The following CENPP variants were observed in gnomAD, a reference collection of about 807,000 sequenced individuals.
CENPP encodes the protein centromere protein P.
Under a neutral mutation model 35.6 loss-of-function variants are expected in CENPP, and 24 were observed. The observed-to-expected ratio is 0.67, with a 90% CI of 0.49 to 0.95. CENPP has a LOEUF of 0.95. Among genes scored for constraint, CENPP ranks in the 40% least tolerant of loss-of-function variants. CENPP has a pLI of 0.00. For missense variants in CENPP, 332 were observed against 345.3 expected (o/e 0.96, Z 0.31); for synonymous variants, 120 against 125.5 (o/e 0.96, Z 0.29).
intron 3 of CENPP, among the ~76,000 whole-genome samples, chr9:92,345,137 C>T (rs1841251442): frequency 6.6e-6 from 1 of 152,056 alleles, no homozygotes; most frequent in Non-Finnish European, 1.5e-5. Flanking sequence ...CCTGTAGTCC[C>T]AGCTACTCGG....
intron 5 of CENPP, among the ~76,000 whole-genome samples, chr9:92,477,907 T>C (rs1178358389): frequency 6.6e-6 from 1 of 152,210 alleles, no homozygotes; most frequent in African/African-American, 2.4e-5. Flanking sequence ...AACAGGGGTG[T>C]AGGGCTTTAA....
intron 4 of CENPP, among the ~76,000 whole-genome samples, chr9:92,359,008 G>A (rs1167386580): frequency 2.9e-5 from 4 of 138,858 alleles, no homozygotes; most frequent in Non-Finnish European, 4.5e-5. Context: ...GGAGTGTAAT[G>A]GCATGATCTG....
intron 4 of CENPP, among the ~76,000 whole-genome samples, chr9:92,347,814 A>G (rs1841333994): frequency 6.6e-6 from 1 of 152,218 alleles, no homozygotes; most frequent in African/African-American, 2.4e-5. Context: ...TTATTTTCAT[A>G]TAATTGTCAT....
intron 5 of CENPP, among the ~76,000 whole-genome samples, chr9:92,449,258 A>G (rs993827892): frequency 7.2e-5 from 11 of 151,840 alleles, no homozygotes; most frequent in African/African-American, 2.7e-4. Flanking sequence ...TGGCTAACAC[A>G]GTGAAACCCC....
At chr9:92,510,098 T>C (rs1847245616) in intron 5 of CENPP, 1 of 1,521,472 alleles carries the variant, frequency 6.6e-7, no homozygotes, top group Admixed American at 2.3e-5. Flanking sequence ...ACATTTCATA[T>C]AATGGTCGTG....
At chr9:92,600,559 T>A (rs570881325) in intron 5 of CENPP, 1 of 1,612,022 alleles carries the variant, frequency 6.2e-7, no homozygotes, top group African/African-American at 1.3e-5. Flanking sequence ...ACATGGAGAA[T>A]GTTTGGCACA....
chr9:92,416,058 G>GTGTGTGTATATA (rs6151074), intron 5 of CENPP, among the ~76,000 whole-genome samples: 35 of 130,912 alleles, frequency 2.7e-4, no homozygotes, highest in South Asian at 5.0e-4. Context: ...ATATATGTGT[G>GTGTGTGTATATA]TATATATATA....
chr9:92,615,275 G>T lies in CENPP; in HGVS notation c.*2126G>T, dbSNP rs147435929. The T allele has an allele frequency of 6.9e-3, 1,102 of 160,164 alleles. 8 individuals carry two copies. The highest frequency in any genetic ancestry group is 0.025 in the African/African-American group (1,048 of 41,592). 9.9% of individuals were successfully genotyped at this position (160,164 alleles called of 1,614,324 possible). A position where few individuals can be genotyped will look rare whatever the true frequency, so the allele number is the denominator to read the frequency against. On this transcript the variant is annotated 3_prime_UTR_variant, in exon 8 of 8. Coordinates refer to ENST00000375587, the MANE Select transcript of CENPP (RefSeq NM_001012267.3). ...TCCACAGGGACCCTGAGTCTACACT[G>T]CTCAGAATCGGCATCTGCGCGACCA...
At position 92,593,690 on chromosome 9, in the gene CENPP, TG is replaced by T. The variant is rs1850713627; in HGVS notation, c.565-17622del. ...ATGAAAGCGAACAGTGATTAGAGTT[TG>T]GCAGAGCTGGTTTATGTGGTCTGTG... On this transcript the variant is annotated intron_variant, in intron 5 of 7. Coordinates refer to ENST00000375587, the MANE Select transcript of CENPP (RefSeq NM_001012267.3). The surrounding 1 kb of genome is among the most constrained non-coding windows in gnomAD (Gnocchi z 4.1). Among the ~76,000 whole-genome samples the T allele has an allele frequency of 2.0e-5, 3 of 152,254 alleles. No individual in the cohort carries two copies. In the South Asian group the frequency reaches 6.2e-4, roughly 32 times the overall value.
rs1428745311 is a variant in CENPP at position 92,617,865 on chromosome 9, T to C, written c.*4716T>C. 4.7e-6 allele frequency: 1 copy of C among 212,780 alleles called. No homozygotes were observed. 13.2% of individuals were successfully genotyped at this position (212,780 alleles called of 1,614,324 possible). ...GCAGCGACAGGAAGGCAGATCCAACTTGAGACATTTTCCTTTATGACAGGG... is the reference window on the plus strand; with the variant it reads ...GCAGCGACAGGAAGGCAGATCCAACCTGAGACATTTTCCTTTATGACAGGG... On this transcript the variant is annotated 3_prime_UTR_variant, in exon 8 of 8. Transcript: ENST00000375587.
Position 92,516,799 on chromosome 9 carries a change from A to G in CENPP, c.565-94515A>G, listed in dbSNP as rs1363289415. On this transcript the variant is annotated intron_variant, in intron 5 of 7. Coordinates refer to ENST00000375587, the MANE Select transcript of CENPP (RefSeq NM_001012267.3). ...CTAACTCTTTTTAAATATTAGTGAA[A>G]TATTTGGTAGTATAACGCAAAACAC... 4.6e-5 allele frequency: 7 copies of G among 152,290 alleles called. No individual in the cohort carries two copies. In the East Asian group the frequency reaches 1.4e-3, roughly 29 times the overall value. 9.4% of individuals were successfully genotyped at this position (152,290 alleles called of 1,614,324 possible).
chr9:92,561,901 G>A (rs890761588), intron 5 of CENPP, among the ~76,000 whole-genome samples: 2 of 152,178 alleles, frequency 1.3e-5, no homozygotes, highest in Non-Finnish European at 2.9e-5. Context: ...TCAACCCAAT[G>A]ATGTGTGCTA....
intron 5 of CENPP, among the ~76,000 whole-genome samples, chr9:92,448,716 A>G (rs538416790): frequency 1.1e-4 from 17 of 152,244 alleles, no homozygotes; most frequent in African/African-American, 4.1e-4. Context: ...AAAAACCTGA[A>G]AAGGTATCCC....
chr9:92,359,391 A>ATTTT (rs1841680560), intron 4 of CENPP, among the ~76,000 whole-genome samples: 1 of 151,892 alleles, frequency 6.6e-6, no homozygotes, highest in Non-Finnish European at 1.5e-5. Context: ...GTTATTATTT[A>ATTTT]TTTTATTTAT....
chr9:92,604,215 T>G (rs2131390533), intron 5 of CENPP, among the ~76,000 whole-genome samples: 1 of 152,338 alleles, frequency 6.6e-6, no homozygotes. Context: ...TATTGTTCTC[T>G]TTTTTATTTT....
At chr9:92,375,671 C>T (rs1842109443) in intron 4 of CENPP, among the ~76,000 whole-genome samples, 1 of 152,088 alleles carries the variant, frequency 6.6e-6, no homozygotes, top group Non-Finnish European at 1.5e-5. Flanking sequence ...ATTTGTTGTA[C>T]TTTTCAGTTC....
At chr9:92,345,001 C>T (rs976546448) in intron 3 of CENPP, among the ~76,000 whole-genome samples, 3 of 151,576 alleles carry the variant, frequency 2.0e-5, no homozygotes, top group Non-Finnish European at 2.9e-5. Context: ...CCTGTAATCC[C>T]AGCACTTTGG....
At position 92,423,757 on chromosome 9, in the gene CENPP, T is replaced by C. The variant is rs138466454; in HGVS notation, c.564+43898T>C. Among the ~76,000 whole-genome samples the C allele has an allele frequency of 9.7e-4, 148 of 152,210 alleles. 3 individuals carry two copies. In the East Asian group the frequency reaches 0.025, roughly 26 times the overall value. On this transcript the variant is annotated intron_variant, in intron 5 of 7. Transcript: ENST00000375587. ...TCAGGGATTTAGTCAGTAGAGAAAT[T>C]TGGAGAAAATCTTGAGTGAAATTTG...
At chr9:92,563,941 A>T (rs1187450135) in intron 5 of CENPP, among the ~76,000 whole-genome samples, 1 of 152,194 alleles carries the variant, frequency 6.6e-6, no homozygotes, top group African/African-American at 2.4e-5. Context: ...GAACATAACC[A>T]GGTCTGCATG....
Sources: allele counts gnomAD v4.1 joint callset (sites outside exome capture counted in the v4.1 genomes callset), GRCh38; gene constraint gnomAD v4.1.1; non-coding constraint Gnocchi (gnomAD v3.1); transcripts MANE v1.5; gene names NCBI Gene and HGNC (gene_info 2026-07-23, HGNC 2026-07-21).